Variants in PRKCZ observed in about 807,000 individuals in gnomAD.
PRKCZ encodes the protein protein kinase C zeta.
A neutral mutation model predicts 79.5 loss-of-function variants in PRKCZ; 33 were observed. The ratio of observed to expected loss-of-function variants is 0.41; its 90% confidence interval spans 0.31 to 0.55. The LOEUF is 0.55. Among genes scored for constraint, PRKCZ ranks in the 20% least tolerant of loss-of-function variants. PRKCZ has a pLI of 0.19. For synonymous variants in PRKCZ, 342 were observed against 320.9 expected (o/e 1.07, Z -0.70); for missense variants, 578 against 813.5 (o/e 0.71, Z 3.52).
At chr1:2,100,257 G>C (rs1667214307) in intron 4 of PRKCZ, among the ~76,000 whole-genome samples, 2 of 152,216 alleles carry the variant, frequency 1.3e-5, no homozygotes, top group South Asian at 4.1e-4. Context: ...CTGCCTTGTG[G>C]AAAAACGCCC....
At chr1:2,182,767 T>G (rs1250690948) in intron 16 of PRKCZ, 1 of 154,580 alleles carries the variant, frequency 6.5e-6, no homozygotes, top group South Asian at 2.0e-4. Flanking sequence ...GATTTCAGTG[T>G]TGGTACAGGA....
chr1:2,184,247 G>A (rs1018343713), intron 16 of PRKCZ: 4 of 298,230 alleles, frequency 1.3e-5, no homozygotes, highest in Non-Finnish European at 1.9e-5. Context: ...GTCATGAGAC[G>A]GCTTGTTCAG....
intron 4 of PRKCZ, among the ~76,000 whole-genome samples, chr1:2,061,132 C>T (rs1660635933): frequency 6.6e-6 from 1 of 152,200 alleles, no homozygotes; most frequent in Non-Finnish European, 1.5e-5. Context: ...GATTTTTTGA[C>T]TTGGTGACAG....
chr1:2,133,431 C>T (rs1675421224), intron 4 of PRKCZ, among the ~76,000 whole-genome samples: 1 of 151,250 alleles, frequency 6.6e-6, no homozygotes, highest in East Asian at 2.0e-4. Context: ...TCAGCTCAGT[C>T]CCCAAGCTGT....
At chr1:2,171,922 A>T in intron 11 of PRKCZ, 133 bp from the exon 12 acceptor site, 1 of 1,182,058 alleles carries the variant, frequency 8.5e-7, no homozygotes, top group African/African-American at 1.5e-5. Context: ...TGCACTTTCA[A>T]ATCCTGGGCC....
chr1:2,078,455 G>T (rs1662848797), intron 4 of PRKCZ, among the ~76,000 whole-genome samples: 1 of 152,170 alleles, frequency 6.6e-6, no homozygotes, highest in Non-Finnish European at 1.5e-5. Flanking sequence ...TTGATTTTGT[G>T]TGTTTTTCTC....
At chr1:2,163,907 GA>G (rs900924620) in intron 10 of PRKCZ, among the ~76,000 whole-genome samples, 6 of 146,598 alleles carry the variant, frequency 4.1e-5, no homozygotes, top group South Asian at 4.3e-4. Flanking sequence ...TCAAAAAAAA[GA>G]AAAAAAAAAG....
At chr1:2,050,773 T>C in intron 1 of PRKCZ, 72 bp downstream of exon 1, 1 of 985,332 alleles carries the variant, frequency 1.0e-6, no homozygotes, top group South Asian at 5.1e-5. Context: ...CCGTCGGGGC[T>C]CCTGCGCGAG....
In PRKCZ at chr1:2,082,238, A is replaced by G. The variant is rs1264307612; in HGVS notation, c.334+22647A>G. ...GTTGTGTGCGCCTTTTCCCTGCTCC[A>G]GGGCTGTGTATTTGGCAAGAGGGAG... On this transcript the variant is annotated intron_variant, in intron 4 of 17. Transcript: ENST00000378567. The surrounding 1 kb of genome is among the most constrained non-coding windows in gnomAD (Gnocchi z 4.4). The G allele has an allele frequency of 1.8e-5, 7 of 389,642 alleles. No individual in the cohort carries two copies. Among genetic ancestry groups the G allele is most frequent in the Non-Finnish European group, 3.5e-5 (7 of 197,274 alleles). 24.1% of individuals were successfully genotyped at this position (389,642 alleles called of 1,614,324 possible). A position where few individuals can be genotyped will look rare whatever the true frequency, so the allele number is the denominator to read the frequency against.
rs28668690 is a variant in PRKCZ at position 2,054,266 on chromosome 1, G to A, written c.72-1175G>A. On this transcript the variant is annotated intron_variant, in intron 1 of 17. Transcript: ENST00000378567. The stretch of plus-strand genomic sequence containing the variant: ...TATAGGCCCTGTGCTCTTGCCCCGC[G>A]CTCTTGTGGGTGTCAGAAAGCCGTA... Among the ~76,000 whole-genome samples the A allele has an allele frequency of 0.03, 4,577 of 152,210 alleles. 419 individuals carry two copies. The East Asian group carries it at 0.34, about 11-fold the overall frequency.
Position 2,125,933 on chromosome 1 carries a change from G to A in PRKCZ, c.335-9329G>A, listed in dbSNP as rs1444026854. ...CATGGAGCACGGTTCCTGTCCCGGGGGTCCATATTGGCCACTGTGGGAGAG... is the reference window on the plus strand; with the variant it reads ...CATGGAGCACGGTTCCTGTCCCGGGAGTCCATATTGGCCACTGTGGGAGAG... On this transcript the variant is annotated intron_variant, in intron 4 of 17. Transcript: ENST00000378567. The surrounding 1 kb of genome is among the most constrained non-coding windows in gnomAD (Gnocchi z 4.2). Among the ~76,000 whole-genome samples, 3 of 152,198 alleles carry A rather than the reference G, an allele frequency of 2.0e-5. No homozygotes were observed. The highest frequency in any genetic ancestry group is 4.4e-5 in the Non-Finnish European group (3 of 68,026).
chr1:2,137,574 G>A (rs988630985), intron 5 of PRKCZ, among the ~76,000 whole-genome samples: 30 of 146,446 alleles, frequency 2.0e-4, no homozygotes, highest in African/African-American at 6.1e-4. Flanking sequence ...CTCTGTTTCC[G>A]TCTCCACATG....
intron 4 of PRKCZ, among the ~76,000 whole-genome samples, chr1:2,089,184 C>T (rs1178215076): frequency 6.6e-6 from 1 of 152,002 alleles, no homozygotes; most frequent in African/African-American, 2.4e-5. Context: ...ACTCATTTCC[C>T]TGTTCGCGAG....
rs1410499412 is a variant in PRKCZ, at chr1:2,094,786, G to A, written c.334+35195G>A. Reference sequence around the variant, plus strand: ...CCTTGGGCGCTGCCCGTTCTGAGGCGTCTGCTGTGGCCCTTACCGTCTGGC... The same window carrying A: ...CCTTGGGCGCTGCCCGTTCTGAGGCATCTGCTGTGGCCCTTACCGTCTGGC... On this transcript the variant is annotated intron_variant, in intron 4 of 17. Transcript: ENST00000378567. The surrounding 1 kb of genome is among the most constrained non-coding windows in gnomAD (Gnocchi z 7.3). 4.6e-5 allele frequency among the ~76,000 whole-genome samples: 7 copies of A among 152,200 alleles called. No individual in the cohort carries two copies. The highest frequency in any genetic ancestry group is 7.3e-5 in the Non-Finnish European group (5 of 68,048).
At chr1:2,115,347 G>A (rs3128338) in intron 4 of PRKCZ, among the ~76,000 whole-genome samples, 99,195 of 152,220 alleles carry the variant, frequency 0.65, 32,745 homozygotes, top group African/African-American at 0.77. Flanking sequence ...TGTTGCCCGT[G>A]GCGCATCTTT....
At chr1:2,085,477 G>A (rs1372757305) in intron 4 of PRKCZ, among the ~76,000 whole-genome samples, 2 of 152,246 alleles carry the variant, frequency 1.3e-5, no homozygotes, top group Non-Finnish European at 2.9e-5. Flanking sequence ...TGGTTGCTGC[G>A]CACGGTGCTT....
At chr1:2,139,664 C>A (rs1428792677) in intron 5 of PRKCZ, among the ~76,000 whole-genome samples, 1 of 152,146 alleles carries the variant, frequency 6.6e-6, no homozygotes, top group Non-Finnish European at 1.5e-5. Context: ...GTCTGCCAAC[C>A]CTGGGGATGT....
intron 4 of PRKCZ, among the ~76,000 whole-genome samples, chr1:2,109,862 CGA>C (rs1557584754): frequency 6.6e-6 from 1 of 152,160 alleles, no homozygotes; most frequent in Non-Finnish European, 1.5e-5. Context: ...TGGAGCCGGG[CGA>C]GAGAGGGCCA....
At chr1:2,108,276 A>T (rs1668993812) in intron 4 of PRKCZ, among the ~76,000 whole-genome samples, 2 of 152,116 alleles carry the variant, frequency 1.3e-5, no homozygotes, top group African/African-American at 4.8e-5. Context: ...CTGCCCGCTC[A>T]CCTGTTCTGT....
Sources: gnomAD v4.1 joint callset for allele counts (sites outside exome capture counted in the v4.1 genomes callset) on GRCh38, gnomAD v4.1.1 for gene constraint, Gnocchi (gnomAD v3.1) non-coding constraint, MANE v1.5 for transcripts, NCBI Gene and HGNC (gene_info 2026-07-23, HGNC 2026-07-21) for gene names.